Variants in CEP162 observed in about 807,000 individuals in gnomAD.
CEP162 encodes the protein centrosomal protein 162, also known as centrosomal protein of 162 kDa.
CEP162 carries 141 observed loss-of-function variants against 169.2 expected under a neutral mutation model. The ratio of observed to expected loss-of-function variants is 0.83; its 90% CI spans 0.73 to 0.96. The LOEUF (loss-of-function observed/expected upper bound fraction) is 0.96. CEP162 is among the 40% of genes least tolerant of loss of function. The pLI, the probability that CEP162 is intolerant of heterozygous loss-of-function variation, is 0.00. For synonymous variants in CEP162, 540 were observed against 526.4 expected, an observed-to-expected ratio of 1.03 and a Z score of -0.35; for missense variants, 1,600 against 1,587.2, an observed-to-expected ratio of 1.01 and a Z score of -0.14.
intron 6 of CEP162, among the ~76,000 whole-genome samples, chr6:84,211,061 T>A (rs545358931): frequency 1.3e-5 from 2 of 151,896 alleles, no homozygotes; most frequent in South Asian, 4.2e-4. Flanking sequence ...CAGGAAAAAG[T>A]GTCACGAAAC....
intron 12 of CEP162, 28 bp from the exon 13 acceptor site, chr6:84,185,476 G>A (rs2099536778): frequency 6.4e-7 from 1 of 1,568,066 alleles, no homozygotes; most frequent in Non-Finnish European, 8.7e-7. Flanking sequence ...AAGCTCTTTA[G>A]TACCTAAATA....
At chr6:84,193,365 A>AT (rs1379073658) in intron 11 of CEP162, among the ~76,000 whole-genome samples, 3 of 152,162 alleles carry the variant, frequency 2.0e-5, no homozygotes, top group Non-Finnish European at 4.4e-5. Context: ...AGGAGACTGT[A>AT]TTTTTCAGTG....
Position 84,169,303 on chromosome 6 carries a change from T to C in CEP162, c.2385+25A>G, listed in dbSNP as rs376017784. 24 of 1,269,910 alleles carry C rather than the reference T, an allele frequency of 1.9e-5. 1 individual carries two copies. In the African/African-American group the frequency reaches 2.5e-4, roughly 13 times the overall value. 78.7% of individuals were successfully genotyped at this position (1,269,910 alleles called of 1,614,324 possible). On this transcript the variant is annotated intron_variant, in intron 18 of 26. Coordinates refer to ENST00000403245, the MANE Select transcript of CEP162 (RefSeq NM_014895.4). ...TTTATAAAACCTTTATTATCCCTAA[T>C]AGTCAAAATCGTTATGCAACTTACC...
chr6:84,153,147 C>T lies in CEP162; in HGVS notation c.3027G>A (p.Glu1009=), dbSNP rs772299329. ...GATTCAATTTGCAGGCAAGTAGCTGCTCCTGCTGCTCTAGTCTTTGTTCAT... is the reference window on the plus strand; with the variant it reads ...GATTCAATTTGCAGGCAAGTAGCTGTTCCTGCTGCTCTAGTCTTTGTTCAT... ...IQYEQRLEQQ[E]QLLACKLNQH... The change falls in exon 23 of 27, where the codon GAG becomes GAA. Residue 1009 remains glutamate (E), a synonymous_variant. Transcript: ENST00000403245. The T allele has an allele frequency of 4.4e-6, 7 of 1,608,290 alleles. No individual in the cohort carries two copies. In the South Asian group the frequency reaches 7.8e-5, roughly 18 times the overall value.
At chr6:84,149,834 T>G (rs2129200452) in intron 23 of CEP162, 131 bp from the exon 24 acceptor site, 1 of 613,228 alleles carries the variant, frequency 1.6e-6, no homozygotes, top group Non-Finnish European at 2.6e-6. Flanking sequence ...TTAACTGCAC[T>G]GTGTTAGGTG....
In CEP162 at chr6:84,130,727, G is replaced by A. The variant is rs192337695; in HGVS notation, c.3871-4215C>T. Among the ~76,000 whole-genome samples the A allele has an allele frequency of 3.1e-3, 472 of 151,968 alleles. 3 individuals carry two copies. Among genetic ancestry groups the A allele is most frequent in the African/African-American group, 4.5e-3 (185 of 41,434 alleles). On this transcript the variant is annotated intron_variant, in intron 25 of 26. Coordinates refer to ENST00000403245, the MANE Select transcript of CEP162 (RefSeq NM_014895.4). ...TATCCCCTTTATCATTTTTTATTGCGTCTATTTGATTCTTCTCTCTTCTCT... is the reference window on the plus strand; with the variant it reads ...TATCCCCTTTATCATTTTTTATTGCATCTATTTGATTCTTCTCTCTTCTCT...
intron 3 of CEP162, 32 bp downstream of exon 3, chr6:84,221,025 A>G: frequency 8.3e-7 from 1 of 1,211,358 alleles, no homozygotes; most frequent in South Asian, 1.2e-5. Flanking sequence ...TTGTGGTCAA[A>G]TAATTTGAAA....
intron 13 of CEP162, among the ~76,000 whole-genome samples, chr6:84,184,609 C>A (rs1306994720): frequency 6.6e-6 from 1 of 152,044 alleles, no homozygotes; most frequent in Admixed American, 6.6e-5. Flanking sequence ...ATTCTTCCAA[C>A]CTCACTCTGT....
At chr6:84,196,269 T>C (rs1296083720) in intron 9 of CEP162, among the ~76,000 whole-genome samples, 1 of 152,202 alleles carries the variant, frequency 6.6e-6, no homozygotes, top group Non-Finnish European at 1.5e-5. Flanking sequence ...AGAGTTTCCC[T>C]GCACAAGCTC....
At chr6:84,182,453 C>A (rs1177405707) in intron 13 of CEP162, among the ~76,000 whole-genome samples, 5 of 152,110 alleles carry the variant, frequency 3.3e-5, no homozygotes, top group Non-Finnish European at 7.4e-5. Context: ...AAAACAACAA[C>A]ATGGTTGGTA....
At chr6:84,150,055 T>G (rs182836732) in intron 23 of CEP162, among the ~76,000 whole-genome samples, 1 of 152,126 alleles carries the variant, frequency 6.6e-6, no homozygotes, top group Non-Finnish European at 1.5e-5. Flanking sequence ...GCCCAGATGC[T>G]TCTTTGGAAA....
intron 3 of CEP162, among the ~76,000 whole-genome samples, chr6:84,220,176 G>A (rs915145350): frequency 1.3e-5 from 2 of 151,998 alleles, no homozygotes; most frequent in Non-Finnish European, 2.9e-5. Flanking sequence ...GGGAGGGGGG[G>A]AAACCAAAAG....
intron 24 of CEP162, among the ~76,000 whole-genome samples, chr6:84,148,894 T>A (rs1326652999): frequency 6.6e-6 from 1 of 152,150 alleles, no homozygotes; most frequent in Non-Finnish European, 1.5e-5. Flanking sequence ...CCTATTTTAA[T>A]GCTATTTTTA....
At position 84,152,860 on chromosome 6, in the gene CEP162, G is replaced by T. The variant is rs755979981; in HGVS notation, c.3314C>A (p.Ser1105Ter). 2.5e-6 allele frequency: 4 copies of T among 1,613,514 alleles called. No individual in the cohort carries two copies. In the African/African-American group the frequency reaches 5.3e-5, roughly 22 times the overall value. The stretch of plus-strand genomic sequence containing the variant: ...TTTCTGAAGCCTCTCCACAGTTTTT[G>T]AGAGGTCTTGTATTTCTCTCTTTTT... ...AAKKREIQDL[S>*]KTVERLQKDR... is the part of the protein sequence containing the mutation. The change falls in exon 23 of 27, where the codon TCA becomes TAA. Residue 1105 changes from serine (S) to a stop codon, truncating the protein, a stop_gained. Coordinates refer to ENST00000403245, the MANE Select transcript of CEP162 (RefSeq NM_014895.4). LOFTEE classifies it high-confidence loss of function.
Position 84,175,307 on chromosome 6 carries a change from C to T in CEP162, c.1704G>A (p.Leu568=). ...SGTKLIKPAA[L]DKPAHKTESC... ...TTTCAGTTTTGTGAGCTGGTTTATC[C>T]AAAGCTGCAGGCTTGATGAGTTTTG... The change falls in exon 14 of 27, where the codon TTG becomes TTA. Residue 568 remains leucine (L), a synonymous_variant. Coordinates refer to ENST00000403245, the MANE Select transcript of CEP162 (RefSeq NM_014895.4). 1 of 1,546,266 alleles carries T rather than the reference C, an allele frequency of 6.5e-7. No individual in the cohort carries two copies.
chr6:84,175,138 ATT>A, intron 14 of CEP162, 74 bp downstream of exon 14: 3 of 1,038,530 alleles, frequency 2.9e-6, no homozygotes, highest in Non-Finnish European at 4.1e-6. Flanking sequence ...TCCTTATTAT[ATT>A]TTGTTATATA....
intron 25 of CEP162, among the ~76,000 whole-genome samples, chr6:84,146,282 A>G (rs976621667): frequency 2.6e-5 from 4 of 152,028 alleles, no homozygotes; most frequent in Admixed American, 6.6e-5. Context: ...TCTCTTATTA[A>G]TCTGTCTTTT....
intron 18 of CEP162, among the ~76,000 whole-genome samples, chr6:84,166,865 G>T (rs1588773573): frequency 1.3e-5 from 2 of 152,150 alleles, no homozygotes; most frequent in East Asian, 3.9e-4. Context: ...AATAATTTTT[G>T]CTCTAAAACT....
chr6:84,163,163 A>T lies in CEP162; in HGVS notation c.2493T>A (p.Asp831Glu). Residue 831 changes from aspartate to glutamate, a missense_variant, in exon 19 of 27, where the codon GAT becomes GAA. Transcript: ENST00000403245. ...KMKKERDQAKDQIAYVTGEKL... is the reference protein window; with the variant it reads ...KMKKERDQAKEQIAYVTGEKL... ...TTTTACCTGTGACATAAGCAATCTGATCTTTGGCTTGGTCCCTCTCTTTCT... is the reference window on the plus strand; with the variant it reads ...TTTTACCTGTGACATAAGCAATCTGTTCTTTGGCTTGGTCCCTCTCTTTCT... The T allele has an allele frequency of 6.2e-7, 1 of 1,613,410 alleles. No individual in the cohort carries two copies. The highest frequency in any genetic ancestry group is 8.5e-7 in the Non-Finnish European group (1 of 1,179,574).
Sources: gnomAD v4.1 joint callset for allele counts (sites outside exome capture counted in the v4.1 genomes callset) on GRCh38, gnomAD v4.1.1 for gene constraint, MANE v1.5 for transcripts, NCBI Gene and HGNC (gene_info 2026-07-23, HGNC 2026-07-21) for gene names.